GRIN2A: variants seen among roughly 807,000 people sequenced by gnomAD.
GRIN2A encodes the protein glutamate receptor ionotropic, NMDA 2A.
A neutral mutation model predicts 113.4 loss-of-function variants in GRIN2A; 22 were observed. The ratio of observed to expected loss-of-function variants is 0.19; its 90% confidence interval spans 0.14 to 0.28. The LOEUF is 0.28. Among genes scored for constraint, GRIN2A ranks in the 10% least tolerant of loss-of-function variants. The pLI is 1.00. For missense variants in GRIN2A, 1,502 were observed against 1,887.0 expected, an observed-to-expected ratio of 0.80 and a Z score of 3.78; for synonymous variants, 827 against 738.4, an observed-to-expected ratio of 1.12 and a Z score of -1.94.
intron 2 of GRIN2A, among the ~76,000 whole-genome samples, chr16:10,047,909 T>TA (rs1225265018): frequency 3.3e-5 from 5 of 152,184 alleles, no homozygotes; most frequent in Non-Finnish European, 7.3e-5. Flanking sequence ...GTATCTGGCT[T>TA]ACTAACATAT....
At chr16:10,010,019 C>T (rs2046477253) in intron 2 of GRIN2A, among the ~76,000 whole-genome samples, 1 of 152,206 alleles carries the variant, frequency 6.6e-6, no homozygotes, top group Admixed American at 6.5e-5. Context: ...AGCACAGTCC[C>T]CTCTACTCTA....
chr16:9,917,268 T>A (rs1423404975), intron 3 of GRIN2A, among the ~76,000 whole-genome samples: 1 of 152,250 alleles, frequency 6.6e-6, no homozygotes, highest in African/African-American at 2.4e-5. Flanking sequence ...AATTATTTTA[T>A]GTATTTGATT....
intron 5 of GRIN2A, among the ~76,000 whole-genome samples, chr16:9,844,503 A>G (rs141630758): frequency 6.6e-6 from 1 of 152,336 alleles, no homozygotes; most frequent in Non-Finnish European, 1.5e-5. Context: ...AACTACACAG[A>G]CTGAGAAATG....
At chr16:9,811,527 G>A (rs902071458) in intron 10 of GRIN2A, among the ~76,000 whole-genome samples, 3 of 152,180 alleles carry the variant, frequency 2.0e-5, no homozygotes, top group African/African-American at 7.2e-5. Flanking sequence ...GGGAGGCCGA[G>A]ACAGGCGGAT....
chr16:9,775,088 C>G (rs979935241), intron 11 of GRIN2A, among the ~76,000 whole-genome samples: 3 of 152,182 alleles, frequency 2.0e-5, no homozygotes, highest in African/African-American at 7.2e-5. Flanking sequence ...TTCCCAAGTA[C>G]CTCTCCCCTG....
chr16:10,152,967 G>T (rs1173119623), intron 2 of GRIN2A, among the ~76,000 whole-genome samples: 3 of 151,952 alleles, frequency 2.0e-5, no homozygotes, highest in Non-Finnish European at 4.4e-5. Context: ...GAACATAGAT[G>T]ATTTTTTTTC....
At position 9,808,348 on chromosome 16, in the gene GRIN2A, C is replaced by T. The variant is rs775714544; in HGVS notation, c.2169-9884G>A. Among the ~76,000 whole-genome samples the T allele has an allele frequency of 2.0e-5, 3 of 152,180 alleles. No individual in the cohort carries two copies. In the East Asian group the frequency reaches 5.8e-4, roughly 29 times the overall value. Reference sequence around the variant, plus strand: ...ACTGGATGTCACTGGAGTGGGAATTCGAATCCAGGATGCTTATCCTTTAAG... The same window carrying T: ...ACTGGATGTCACTGGAGTGGGAATTTGAATCCAGGATGCTTATCCTTTAAG... On this transcript the variant is annotated intron_variant, in intron 10 of 12. Coordinates refer to ENST00000330684, the MANE Select transcript of GRIN2A (RefSeq NM_001134407.3).
chr16:9,889,569 A>G (rs1035300042), intron 4 of GRIN2A, among the ~76,000 whole-genome samples: 1 of 152,064 alleles, frequency 6.6e-6, no homozygotes, highest in Non-Finnish European at 1.5e-5. Flanking sequence ...CTGAATTCAC[A>G]CTTTCCTTTT....
intron 2 of GRIN2A, among the ~76,000 whole-genome samples, chr16:10,002,646 G>A (rs1014625429): frequency 5.3e-5 from 8 of 152,306 alleles, no homozygotes; most frequent in Admixed American, 1.3e-4. Flanking sequence ...TGAGATGAGC[G>A]AAGGGTTACC....
In GRIN2A at chr16:9,840,580, C is replaced by T. The variant is rs2042655892; in HGVS notation, c.1651+67G>A. 6.2e-6 allele frequency: 9 copies of T among 1,455,038 alleles called. No homozygotes were observed. The South Asian group carries it at 1.0e-4, about 17-fold the overall frequency. 90.1% of individuals were successfully genotyped at this position (1,455,038 alleles called of 1,614,324 possible). ...AAACAAGTTCCTTTCTGGTCCCATC[C>T]TCTGAGCAAACAAGATTTCCTACAA... On this transcript the variant is annotated intron_variant, in intron 7 of 12. Transcript: ENST00000330684.
chr16:9,983,222 T>C (rs1271347785), intron 2 of GRIN2A, among the ~76,000 whole-genome samples: 2 of 152,210 alleles, frequency 1.3e-5, no homozygotes, highest in African/African-American at 4.8e-5. Context: ...GCTTCCTGTC[T>C]AGCGTAATTT....
chr16:10,102,687 C>A (rs1030799223), intron 2 of GRIN2A, among the ~76,000 whole-genome samples: 1 of 152,142 alleles, frequency 6.6e-6, no homozygotes, highest in East Asian at 1.9e-4. Flanking sequence ...GCTGGGATTA[C>A]AGGCATGCAC....
intron 2 of GRIN2A, among the ~76,000 whole-genome samples, chr16:10,004,916 C>T (rs941117859): frequency 3.9e-5 from 6 of 152,024 alleles, no homozygotes; most frequent in Non-Finnish European, 7.4e-5. Flanking sequence ...GCCTACTACA[C>T]GGGGCAAGAG....
At chr16:9,940,831 A>G (rs2044855260) in intron 2 of GRIN2A, among the ~76,000 whole-genome samples, 1 of 152,218 alleles carries the variant, frequency 6.6e-6, no homozygotes, top group South Asian at 2.1e-4. Flanking sequence ...TAGAAGACCT[A>G]TAAACCTCAG....
At position 10,012,845 on chromosome 16, in the gene GRIN2A, T is replaced by C. The variant is rs1376945859; in HGVS notation, c.415-74294A>G. On this transcript the variant is annotated intron_variant, in intron 2 of 12. Transcript: ENST00000330684. ...CTTGATTTTAGCTCCATGAGACCCA[T>C]TTCAGCTTTCTGACCTGCAGAACTG... is the stretch of plus-strand genomic sequence containing the variant. 3.9e-5 allele frequency among the ~76,000 whole-genome samples: 6 copies of C among 152,214 alleles called. No individual in the cohort carries two copies. In the East Asian group the frequency reaches 9.6e-4, roughly 24 times the overall value.
intron 8 of GRIN2A, among the ~76,000 whole-genome samples, chr16:9,831,444 C>A (rs906471527): frequency 1.3e-5 from 2 of 152,018 alleles, no homozygotes; most frequent in Admixed American, 6.6e-5. Context: ...GATAGAGTAG[C>A]CCCAGTGACC....
At chr16:10,137,702 G>A (rs1010601335) in intron 2 of GRIN2A, among the ~76,000 whole-genome samples, 1 of 152,116 alleles carries the variant, frequency 6.6e-6, no homozygotes, top group Non-Finnish European at 1.5e-5. Flanking sequence ...TATTCTGTGT[G>A]AGACACTATA....
intron 10 of GRIN2A, among the ~76,000 whole-genome samples, chr16:9,818,794 C>T (rs1009699912): frequency 6.6e-6 from 1 of 152,166 alleles, no homozygotes; most frequent in Non-Finnish European, 1.5e-5. Flanking sequence ...CTCTCATGCA[C>T]TGATGGGGTA....
intron 11 of GRIN2A, among the ~76,000 whole-genome samples, chr16:9,794,030 G>C (rs1293317176): frequency 6.6e-6 from 1 of 152,178 alleles, no homozygotes; most frequent in Non-Finnish European, 1.5e-5. Flanking sequence ...AGTAAATGTT[G>C]GGTATCGATG....
Sources: allele counts gnomAD v4.1 joint callset (sites outside exome capture counted in the v4.1 genomes callset), GRCh38; gene constraint gnomAD v4.1.1; transcripts MANE v1.5; gene names NCBI Gene and HGNC (gene_info 2026-07-23, HGNC 2026-07-21).